Variants in MAP3K20 observed in about 807,000 individuals in gnomAD.
MAP3K20 encodes the protein HCCS-4.
Under a neutral mutation model 85.7 loss-of-function variants are expected in MAP3K20, and 40 were observed. The observed-to-expected ratio is 0.47, with a 90% CI of 0.36 to 0.61. The LOEUF (loss-of-function observed/expected upper bound fraction) is 0.61. Among genes scored for constraint, MAP3K20 ranks in the 20% least tolerant of loss-of-function variants. MAP3K20 has a pLI of 0.00. For missense variants in MAP3K20, 817 were observed against 961.7 expected, an observed-to-expected ratio of 0.85 and a Z score of 1.99; for synonymous variants, 325 against 327.7, an observed-to-expected ratio of 0.99 and a Z score of 0.09.
intron 2 of MAP3K20, among the ~76,000 whole-genome samples, chr2:173,164,191 CTT>C (rs2106243598): frequency 6.6e-6 from 1 of 152,238 alleles, no homozygotes; most frequent in South Asian, 2.1e-4. Context: ...AACTCCTGCC[CTT>C]GTGATCTGCC....
intron 11 of MAP3K20, among the ~76,000 whole-genome samples, chr2:173,228,129 G>A (rs895097969): frequency 4.6e-5 from 7 of 152,188 alleles, no homozygotes; most frequent in African/African-American, 1.4e-4. Context: ...CAGAGTATAC[G>A]CAGAACAGGA....
chr2:173,136,734 A>T (rs1387198939), intron 2 of MAP3K20, among the ~76,000 whole-genome samples: 1 of 152,210 alleles, frequency 6.6e-6, no homozygotes, highest in Non-Finnish European at 1.5e-5. Context: ...CAATCAAAGG[A>T]AGTGGTTTCC....
At chr2:173,256,552 G>GAC (rs1358739139) in intron 16 of MAP3K20, among the ~76,000 whole-genome samples, 6 of 152,068 alleles carry the variant, frequency 3.9e-5, no homozygotes, top group East Asian at 3.8e-4. Flanking sequence ...CAGACAGATA[G>GAC]AGAGAATGTG....
In MAP3K20 at chr2:173,217,121, A is replaced by G; in HGVS notation, c.858A>G (p.Glu286=). 6.4e-7 allele frequency: 1 copy of G among 1,562,860 alleles called. No homozygotes were observed. The part of the protein sequence containing the change: ...FLHNKAEWRC[E]IEATLERLKK... ...ACCAGCTATCCCCGTGCAGGTGCGA[A>G]ATTGAGGCAACTCTTGAGAGGCTAA... Residue 286 remains glutamate, a synonymous_variant, in exon 11 of 20, where the codon GAA becomes GAG. Coordinates refer to ENST00000375213, the MANE Select transcript of MAP3K20 (RefSeq NM_016653.3).
At chr2:173,179,906 A>C (rs1690276364) in intron 3 of MAP3K20, among the ~76,000 whole-genome samples, 1 of 152,216 alleles carries the variant, frequency 6.6e-6, no homozygotes, top group African/African-American at 2.4e-5. Flanking sequence ...GTTGGGTATA[A>C]ATTTAACAAA....
At chr2:173,166,244 T>C (rs905416866) in intron 2 of MAP3K20, among the ~76,000 whole-genome samples, 4 of 152,262 alleles carry the variant, frequency 2.6e-5, no homozygotes, top group African/African-American at 9.6e-5. Context: ...GGCCCATTCA[T>C]GATGCAGTGC....
intron 1 of MAP3K20, among the ~76,000 whole-genome samples, chr2:173,090,309 CATA>C: frequency 6.6e-6 from 1 of 152,240 alleles, no homozygotes; most frequent in East Asian, 1.9e-4. Flanking sequence ...TGGAAACAAG[CATA>C]ATATTTTTTA....
At chr2:173,154,651 GTTTA>G (rs1331227538) in intron 2 of MAP3K20, among the ~76,000 whole-genome samples, 11 of 152,148 alleles carry the variant, frequency 7.2e-5, no homozygotes. Flanking sequence ...GATAGCAGGA[GTTTA>G]TTTCTTTTTA....
intron 2 of MAP3K20, among the ~76,000 whole-genome samples, chr2:173,152,009 T>C (rs533278201): frequency 1.3e-5 from 2 of 152,346 alleles, no homozygotes; most frequent in Non-Finnish European, 2.9e-5. Flanking sequence ...TCTCAAATTT[T>C]ATATACCTTT....
At position 173,160,419 on chromosome 2, in the gene MAP3K20, G is replaced by A. The variant is rs74999058; in HGVS notation, c.160-9386G>A. The A allele has an allele frequency of 2.5e-3, 379 of 152,212 alleles. 3 individuals carry two copies. The highest frequency in any genetic ancestry group is 8.8e-3 in the African/African-American group (365 of 41,506). 9.4% of individuals were successfully genotyped at this position (152,212 alleles called of 1,614,324 possible). On this transcript the variant is annotated intron_variant, in intron 2 of 19. Transcript: ENST00000375213. ...ATCTTGTCATACAGGTAAGAATGAAGTTTTTTATTTTTATTTAAAAAAAGC... is the reference window on the plus strand; with the variant it reads ...ATCTTGTCATACAGGTAAGAATGAAATTTTTTATTTTTATTTAAAAAAAGC...
chr2:173,113,425 T>C (rs897859927), intron 2 of MAP3K20, among the ~76,000 whole-genome samples: 2 of 152,162 alleles, frequency 1.3e-5, no homozygotes, highest in African/African-American at 4.8e-5. Flanking sequence ...ATTTCCTTTC[T>C]TCTGCTAGGT....
At chr2:173,170,882 A>G (rs1689979950) in intron 3 of MAP3K20, among the ~76,000 whole-genome samples, 1 of 152,218 alleles carries the variant, frequency 6.6e-6, no homozygotes, top group Non-Finnish European at 1.5e-5. Context: ...TTCTCCACAG[A>G]AGCTCCTCTT....
intron 14 of MAP3K20, among the ~76,000 whole-genome samples, chr2:173,234,688 G>A (rs894814291): frequency 1.1e-4 from 17 of 152,182 alleles, no homozygotes; most frequent in Admixed American, 9.2e-4. Flanking sequence ...ACAGAAAAGA[G>A]GAGTCCCGAC....
At chr2:173,221,717 G>A in intron 11 of MAP3K20, 1 of 1,307,742 alleles carries the variant, frequency 7.6e-7, no homozygotes, top group Non-Finnish European at 9.7e-7. Context: ...AAAACGGGGG[G>A]AGAATTAAGC....
chr2:173,173,166 G>C (rs1273805823), intron 3 of MAP3K20, among the ~76,000 whole-genome samples: 1 of 123,374 alleles, frequency 8.1e-6, no homozygotes, highest in East Asian at 2.6e-4. Context: ...GTGTGTGTGT[G>C]TGTGTGTGTG....
intron 2 of MAP3K20, among the ~76,000 whole-genome samples, chr2:173,092,813 A>G (rs1371525178): frequency 2.0e-5 from 3 of 152,164 alleles, no homozygotes; most frequent in Non-Finnish European, 4.4e-5. Flanking sequence ...TACCTACATA[A>G]TACCTTTTCT....
intron 11 of MAP3K20, among the ~76,000 whole-genome samples, chr2:173,219,895 C>T (rs1334253737): frequency 1.3e-5 from 2 of 151,894 alleles, no homozygotes; most frequent in Non-Finnish European, 2.9e-5. Context: ...AGTGAAACCC[C>T]ATCTCTACTA....
At chr2:173,128,859 A>T (rs529055545) in intron 2 of MAP3K20, among the ~76,000 whole-genome samples, 1 of 151,716 alleles carries the variant, frequency 6.6e-6, no homozygotes, top group Non-Finnish European at 1.5e-5. Context: ...CAACTATTTT[A>T]TATGAAATAT....
At chr2:173,132,579 T>C (rs1306865671) in intron 2 of MAP3K20, among the ~76,000 whole-genome samples, 3 of 152,210 alleles carry the variant, frequency 2.0e-5, no homozygotes, top group African/African-American at 7.2e-5. Flanking sequence ...AGTTTTTCTC[T>C]GTTTTCCACC....
Sources: gnomAD v4.1 joint callset for allele counts (sites outside exome capture counted in the v4.1 genomes callset) on GRCh38, gnomAD v4.1.1 for gene constraint, MANE v1.5 for transcripts, NCBI Gene and HGNC (gene_info 2026-07-23, HGNC 2026-07-21) for gene names.